Variants in PCDH11X observed in about 807,000 individuals in gnomAD.
PCDH11X encodes protocadherin 11 X-linked.
PCDH11X carries 18 observed loss-of-function variants against 53.3 expected under a neutral mutation model. The observed-to-expected ratio is 0.34, with a 90% CI of 0.23 to 0.50. PCDH11X has a LOEUF of 0.50. PCDH11X is among the 20% of genes least tolerant of loss of function. The pLI is 0.98. For synonymous variants in PCDH11X, 279 were observed against 393.3 expected (o/e 0.71, Z 3.44); for missense variants, 570 against 1,032.4 (o/e 0.55, Z 6.14).
rs1181231647 is a variant in PCDH11X, at chrX:91,995,215, T to TA, written c.3033+115955dup. On this transcript the variant is annotated intron_variant, in intron 6 of 10. Coordinates refer to ENST00000682573, the MANE Select transcript of PCDH11X (RefSeq NM_032968.5). ...GTTGCCTATCCTTTTGGTGTCACGT[T>TA]AAAAAAAAAAAAACAAAAAAACAAA... 5.9e-3 allele frequency among the ~76,000 whole-genome samples: 465 copies of TA among 78,958 alleles called. 3 individuals carry two copies. The highest frequency in any genetic ancestry group is 7.2e-3 in the African/African-American group (159 of 22,025). 68.6% of individuals were successfully genotyped at this position (78,958 alleles called of 115,157 possible).
chrX:92,031,524 G>A (rs1482530357), intron 6 of PCDH11X, among the ~76,000 whole-genome samples: 1 of 110,367 alleles, frequency 9.1e-6, no homozygotes, highest in African/African-American at 3.3e-5. Flanking sequence ...TGGTTGCCTT[G>A]GCTTGTAGGG....
intron 8 of PCDH11X, among the ~76,000 whole-genome samples, chrX:92,277,905 G>C (rs1282067241): frequency 1.8e-5 from 2 of 111,337 alleles, no homozygotes; most frequent in Non-Finnish European, 3.8e-5. Flanking sequence ...AGAAAAGCGG[G>C]ACTTGCCGCT....
At chrX:92,263,434 G>A (rs1432671376) in intron 8 of PCDH11X, among the ~76,000 whole-genome samples, 1 of 111,643 alleles carries the variant, frequency 9.0e-6, no homozygotes, top group African/African-American at 3.3e-5. Context: ...TGATAATACA[G>A]TTATTTTATG....
At position 91,950,126 on chromosome X, in the gene PCDH11X, G is replaced by A. The variant is rs1185247125; in HGVS notation, c.3033+70853G>A. On this transcript the variant is annotated intron_variant, in intron 6 of 10. Transcript: ENST00000682573. The stretch of plus-strand genomic sequence containing the variant: ...ATGTATTTCAAATCATGCAATATTT[G>A]TATTTATTGTCATTCTTTAATTTAA... Among the ~76,000 whole-genome samples the A allele has an allele frequency of 2.9e-4, 32 of 109,884 alleles. 1 individual carries two copies. The Admixed American group carries it at 3.0e-3, about 10-fold the overall frequency.
At chrX:92,245,833 G>T (rs1388168772) in intron 7 of PCDH11X, among the ~76,000 whole-genome samples, 1 of 111,693 alleles carries the variant, frequency 9.0e-6, no homozygotes, top group Non-Finnish European at 1.9e-5. Context: ...ACCTAAAATG[G>T]TTGAATTGAA....
intron 10 of PCDH11X, among the ~76,000 whole-genome samples, chrX:92,538,573 T>A (rs980243778): frequency 9.7e-6 from 1 of 103,145 alleles, no homozygotes; most frequent in African/African-American, 3.5e-5. Context: ...GGCTTGTACA[T>A]ACTATCTTAT....
intron 5 of PCDH11X, among the ~76,000 whole-genome samples, chrX:91,857,770 A>G (rs1335450392): frequency 8.9e-6 from 1 of 111,870 alleles, no homozygotes; most frequent in East Asian, 2.9e-4. Flanking sequence ...GGGCAGCTCC[A>G]CCCCTGTGGC....
At chrX:92,100,654 G>T (rs938741034) in intron 6 of PCDH11X, among the ~76,000 whole-genome samples, 4 of 111,150 alleles carry the variant, frequency 3.6e-5, no homozygotes, top group African/African-American at 1.3e-4. Context: ...AAGTCACAGG[G>T]GATGCGATGG....
At chrX:92,422,648 CTT>C (rs2071998147) in intron 9 of PCDH11X, among the ~76,000 whole-genome samples, 1 of 110,701 alleles carries the variant, frequency 9.0e-6, no homozygotes, top group African/African-American at 3.3e-5. Flanking sequence ...CGTATAATGA[CTT>C]ATTTTCCTCT....
intron 6 of PCDH11X, among the ~76,000 whole-genome samples, chrX:91,923,580 G>A (rs944269082): frequency 5.6e-5 from 6 of 107,693 alleles, no homozygotes; most frequent in Admixed American, 1.0e-4. Context: ...CTGCATTGTC[G>A]GCTTCCCTAC....
At chrX:92,059,585 A>G (rs993135811) in intron 6 of PCDH11X, among the ~76,000 whole-genome samples, 2 of 111,263 alleles carry the variant, frequency 1.8e-5, no homozygotes, top group African/African-American at 6.5e-5. Context: ...AATGGATTCT[A>G]AACCAAAGAA....
intron 6 of PCDH11X, among the ~76,000 whole-genome samples, chrX:91,997,361 G>A (rs1237782507): frequency 1.8e-5 from 2 of 111,088 alleles, no homozygotes; most frequent in Non-Finnish European, 3.8e-5. Flanking sequence ...TGTCTTATAA[G>A]ATTCTTATTA....
intron 4 of PCDH11X, among the ~76,000 whole-genome samples, chrX:91,825,855 C>T (rs1298297791): frequency 1.9e-5 from 2 of 107,462 alleles, no homozygotes; most frequent in African/African-American, 7.3e-5. Context: ...TGGATCTATA[C>T]AGTTGTTTAC....
chrX:92,107,316 C>A (rs181949046), intron 6 of PCDH11X, among the ~76,000 whole-genome samples: 1 of 112,170 alleles, frequency 8.9e-6, no homozygotes, highest in Admixed American at 9.5e-5. Flanking sequence ...TGTCCTTAAC[C>A]TTGGCAAAAT....
At chrX:92,371,560 C>T (rs1442004322) in intron 8 of PCDH11X, among the ~76,000 whole-genome samples, 1 of 110,874 alleles carries the variant, frequency 9.0e-6, no homozygotes, top group Non-Finnish European at 1.9e-5. Context: ...CTCAAAAATT[C>T]ATTAGTGTAC....
chrX:92,449,163 A>G (rs2072725040), intron 9 of PCDH11X, among the ~76,000 whole-genome samples: 1 of 112,057 alleles, frequency 8.9e-6, no homozygotes, highest in Non-Finnish European at 1.9e-5. Context: ...TTGATGGATT[A>G]CAATTATTAA....
intron 9 of PCDH11X, among the ~76,000 whole-genome samples, chrX:92,452,191 A>T (rs1442901669): frequency 1.1e-4 from 11 of 104,012 alleles, no homozygotes; most frequent in Non-Finnish European, 1.8e-4. Context: ...ATTTATCAAA[A>T]GAAAGAATAT....
At chrX:92,438,635 G>A (rs887754922) in intron 9 of PCDH11X, among the ~76,000 whole-genome samples, 1 of 111,076 alleles carries the variant, frequency 9.0e-6, no homozygotes, top group Non-Finnish European at 1.9e-5. Context: ...TATACCCAGA[G>A]GAAAAGAACA....
intron 7 of PCDH11X, among the ~76,000 whole-genome samples, chrX:92,217,469 A>T (rs1227775361): frequency 1.0e-5 from 1 of 98,582 alleles, no homozygotes; most frequent in African/African-American, 3.7e-5. Flanking sequence ...CCATTACATA[A>T]TGGTAAAGGG....
Sources: gnomAD v4.1 joint callset for allele counts (sites outside exome capture counted in the v4.1 genomes callset) on GRCh38, gnomAD v4.1.1 for gene constraint, MANE v1.5 for transcripts, NCBI Gene and HGNC (gene_info 2026-07-23, HGNC 2026-07-21) for gene names.